IGF1R: variants seen among roughly 807,000 people sequenced by gnomAD.
IGF1R encodes insulin-like growth factor 1 receptor.
A neutral mutation model predicts 144.6 loss-of-function variants in IGF1R; 44 were observed. The ratio of observed to expected loss-of-function variants is 0.30; its 90% confidence interval spans 0.24 to 0.39. The LOEUF (loss-of-function observed/expected upper bound fraction) is 0.39. IGF1R is among the 10% of genes least tolerant of loss of function. IGF1R has a pLI of 1.00. For missense variants in IGF1R, 1,355 were observed against 1,833.7 expected (o/e 0.74, Z 4.77); for synonymous variants, 795 against 722.8 (o/e 1.10, Z -1.60).
At chr15:98,872,343 A>G (rs1366800106) in intron 2 of IGF1R, among the ~76,000 whole-genome samples, 1 of 152,182 alleles carries the variant, frequency 6.6e-6, no homozygotes, top group African/African-American at 2.4e-5. Flanking sequence ...GATCAGAGAC[A>G]TGGCTTGGGG....
intron 1 of IGF1R, among the ~76,000 whole-genome samples, chr15:98,695,686 C>CG (rs1391068562): frequency 6.6e-6 from 1 of 152,200 alleles, no homozygotes; most frequent in Non-Finnish European, 1.5e-5. Context: ...TCTTCATTAC[C>CG]TCTTTAGGCA....
chr15:98,670,695 A>C (rs964480405), intron 1 of IGF1R, among the ~76,000 whole-genome samples: 11 of 152,228 alleles, frequency 7.2e-5, no homozygotes, highest in African/African-American at 2.4e-4. Flanking sequence ...GCTTTTGCAC[A>C]TTGCAGTTAT....
At chr15:98,923,465 C>G (rs572249252) in intron 11 of IGF1R, among the ~76,000 whole-genome samples, 2 of 152,258 alleles carry the variant, frequency 1.3e-5, no homozygotes, top group East Asian at 3.9e-4. Flanking sequence ...CAGCATCTTT[C>G]CAGGGCTGCT....
chr15:98,957,533 G>A lies in IGF1R; in HGVS notation c.*91G>A. The A allele has an allele frequency of 6.5e-7, 1 of 1,540,812 alleles. No individual in the cohort carries two copies. The highest frequency in any genetic ancestry group is 2.3e-4 in the Middle Eastern group (1 of 4,338). On this transcript the variant is annotated 3_prime_UTR_variant, in exon 21 of 21. Coordinates refer to ENST00000650285, the MANE Select transcript of IGF1R (RefSeq NM_000875.5). ...GAGAGTTTTAACAATCCATTCACAAGCCTCCTGTACCTCAGTGGATCTTCA... is the reference window on the plus strand; with the variant it reads ...GAGAGTTTTAACAATCCATTCACAAACCTCCTGTACCTCAGTGGATCTTCA...
chr15:98,910,229 C>A (rs978232946), intron 6 of IGF1R, among the ~76,000 whole-genome samples: 2 of 152,200 alleles, frequency 1.3e-5, no homozygotes, highest in African/African-American at 4.8e-5. Flanking sequence ...TGCAAAGCCC[C>A]TGCCTTGCTC....
At chr15:98,869,497 C>T (rs1421138146) in intron 2 of IGF1R, among the ~76,000 whole-genome samples, 1 of 150,588 alleles carries the variant, frequency 6.6e-6, no homozygotes, top group Admixed American at 6.7e-5. Flanking sequence ...TGCAATGGCA[C>T]GATCTCCGGC....
intron 2 of IGF1R, among the ~76,000 whole-genome samples, chr15:98,860,035 C>T (rs1161200226): frequency 1.3e-5 from 2 of 152,164 alleles, no homozygotes; most frequent in Non-Finnish European, 2.9e-5. Flanking sequence ...CCTGCCTCAG[C>T]CTCCCGAGTA....
chr15:98,819,496 A>G (rs2056763128), intron 2 of IGF1R, among the ~76,000 whole-genome samples: 2 of 152,090 alleles, frequency 1.3e-5, no homozygotes, highest in South Asian at 4.1e-4. Flanking sequence ...CCCTCCGTGA[A>G]CCAGAAAGTG....
intron 2 of IGF1R, among the ~76,000 whole-genome samples, chr15:98,864,958 C>T (rs903818376): frequency 1.3e-5 from 2 of 152,112 alleles, no homozygotes; most frequent in Admixed American, 1.3e-4. Context: ...CTCGTTTTTC[C>T]TCACTGATAT....
intron 2 of IGF1R, among the ~76,000 whole-genome samples, chr15:98,813,857 G>A (rs547066096): frequency 9.2e-5 from 14 of 152,258 alleles, no homozygotes; most frequent in African/African-American, 2.6e-4. Context: ...GAAGACACAC[G>A]AACCCCTTCC....
chr15:98,811,867 A>G (rs1052094421), intron 2 of IGF1R, among the ~76,000 whole-genome samples: 1 of 152,086 alleles, frequency 6.6e-6, no homozygotes, highest in Admixed American at 6.5e-5. Context: ...CGGAGCTTGC[A>G]GTGAGAGATC....
intron 10 of IGF1R, among the ~76,000 whole-genome samples, chr15:98,917,157 C>G (rs2015292070): frequency 6.6e-6 from 1 of 152,112 alleles, no homozygotes; most frequent in African/African-American, 2.4e-5. Context: ...AGGTGGGCAC[C>G]CTGTGGTAGA....
chr15:98,649,416 C>T lies in IGF1R; in HGVS notation c.-166C>T, dbSNP rs1163850430. ...CCCCGTCCGCGCACCCGGAGGGCCC[C>T]GGCGGCGCCGCCTTCGGAGTATTGT... On this transcript the variant is annotated 5_prime_UTR_variant, in exon 1 of 21. Coordinates refer to ENST00000650285, the MANE Select transcript of IGF1R (RefSeq NM_000875.5). 7.1e-6 allele frequency: 3 copies of T among 425,300 alleles called. No homozygotes were observed. Among genetic ancestry groups the T allele is most frequent in the South Asian group, 1.1e-4 (2 of 18,760 alleles). The allele number at this position is 425,300 out of a possible 1,614,324, so 26.3% of individuals were successfully genotyped here. A position where few individuals can be genotyped will look rare whatever the true frequency, so the allele number is the denominator to read the frequency against.
chr15:98,762,592 G>T (rs2055332919), intron 2 of IGF1R, among the ~76,000 whole-genome samples: 1 of 151,942 alleles, frequency 6.6e-6, no homozygotes, highest in Admixed American at 6.6e-5. Flanking sequence ...GCTGGGCGTG[G>T]TGGCACGTGC....
At chr15:98,888,419 T>G (rs1372635815) in intron 2 of IGF1R, among the ~76,000 whole-genome samples, 1 of 119,014 alleles carries the variant, frequency 8.4e-6, no homozygotes, top group Non-Finnish European at 1.8e-5. Context: ...CAAGTGGGGG[T>G]TTGATGAGAG....
intron 2 of IGF1R, among the ~76,000 whole-genome samples, chr15:98,713,164 A>G (rs1016449315): frequency 6.6e-6 from 1 of 151,946 alleles, no homozygotes; most frequent in Non-Finnish European, 1.5e-5. Context: ...TCAAGGATGT[A>G]AAGGCTCTGC....
chr15:98,665,021 A>G lies in IGF1R; in HGVS notation c.94+15346A>G, dbSNP rs995125175. ...CGTCCAGGCTGGAGTGTGGTGGCGCAATCTTGGCTCACTGCAAGCTCCACC... is the reference window on the plus strand; with the variant it reads ...CGTCCAGGCTGGAGTGTGGTGGCGCGATCTTGGCTCACTGCAAGCTCCACC... On this transcript the variant is annotated intron_variant, in intron 1 of 20. Transcript: ENST00000650285. Among the ~76,000 whole-genome samples the G allele has an allele frequency of 2.0e-4, 29 of 144,462 alleles. No homozygotes were observed. In the East Asian group the frequency reaches 5.6e-3, roughly 28 times the overall value. The allele number at this position is 144,462 out of a possible 152,430, so 94.8% of individuals were successfully genotyped here.
intron 2 of IGF1R, among the ~76,000 whole-genome samples, chr15:98,720,411 C>T (rs923645753): frequency 9.9e-5 from 15 of 152,130 alleles, no homozygotes; most frequent in Admixed American, 7.2e-4. Context: ...ATCTGTTGGC[C>T]GTGGCTTTCA....
chr15:98,757,699 G>T (rs1423518743), intron 2 of IGF1R, among the ~76,000 whole-genome samples: 2 of 151,850 alleles, frequency 1.3e-5, no homozygotes, highest in African/African-American at 4.8e-5. Flanking sequence ...GTATACTCTT[G>T]TTCAATTGTT....
Sources: gnomAD v4.1 joint callset for allele counts (sites outside exome capture counted in the v4.1 genomes callset) on GRCh38, gnomAD v4.1.1 for gene constraint, MANE v1.5 for transcripts, NCBI Gene and HGNC (gene_info 2026-07-23, HGNC 2026-07-21) for gene names.